Variants in FRA10AC1 observed in about 807,000 individuals in gnomAD.
The protein encoded by FRA10AC1 is FRA10A associated CGG repeat 1.
In FRA10AC1, 43 loss-of-function variants were observed where a neutral mutation model predicts 56.5. The observed-to-expected ratio is 0.76, with a 90% CI of 0.60 to 0.98. The LOEUF (loss-of-function observed/expected upper bound fraction) is 0.98. Among genes scored for constraint, FRA10AC1 ranks in the 50% least tolerant of loss-of-function variants. FRA10AC1 has a pLI of 0.00. For missense variants in FRA10AC1, 346 were observed against 351.8 expected (o/e 0.98, Z 0.13); for synonymous variants, 112 against 110.5 (o/e 1.01, Z -0.09).
chr10:93,671,312 C>G (rs1322479112), intron 12 of FRA10AC1: 2 of 152,850 alleles, frequency 1.3e-5, no homozygotes, highest in African/African-American at 4.8e-5. Flanking sequence ...AAAAAATTGT[C>G]AGACATTTTA....
intron 7 of FRA10AC1, among the ~76,000 whole-genome samples, chr10:93,688,254 T>G (rs1564817602): frequency 6.6e-6 from 1 of 152,050 alleles, no homozygotes; most frequent in Non-Finnish European, 1.5e-5. Flanking sequence ...AAACCCAATC[T>G]GAAAAGACTA....
chr10:93,702,150 T>A (rs1039386071), intron 1 of FRA10AC1, among the ~76,000 whole-genome samples: 6 of 151,742 alleles, frequency 4.0e-5, no homozygotes, highest in African/African-American at 1.5e-4. Flanking sequence ...AACTCACTGG[T>A]TGAACTAAAA....
chr10:93,671,496 T>G (rs994380071), intron 12 of FRA10AC1: 5 of 153,218 alleles, frequency 3.3e-5, no homozygotes, highest in African/African-American at 1.2e-4. Context: ...TTTAGGAATT[T>G]GATTACTTAC....
At chr10:93,690,104 T>C (rs1394281223) in intron 7 of FRA10AC1, among the ~76,000 whole-genome samples, 2 of 152,190 alleles carry the variant, frequency 1.3e-5, no homozygotes, top group Non-Finnish European at 2.9e-5. Context: ...GAGCTGGTTT[T>C]AATTAACTGA....
chr10:93,675,382 T>C (rs2058825043), intron 12 of FRA10AC1: 1 of 152,154 alleles, frequency 6.6e-6, no homozygotes, highest in Non-Finnish European at 1.5e-5. Flanking sequence ...TTTAAAGTCA[T>C]AAAAAATTTT....
intron 4 of FRA10AC1, among the ~76,000 whole-genome samples, chr10:93,697,577 A>G (rs11187595): frequency 0.41 from 61,799 of 152,110 alleles, 14,693 homozygotes; most frequent in Non-Finnish European, 0.52. Context: ...GTCTTATTAA[A>G]AAACTGAGTT....
In FRA10AC1 at chr10:93,683,982, T is replaced by A. The variant is rs1205842922; in HGVS notation, c.668+74A>T. 14 of 989,158 alleles carry A rather than the reference T, an allele frequency of 1.4e-5. No homozygotes were observed. In the Admixed American group the frequency reaches 2.0e-4, roughly 14 times the overall value. The allele number at this position is 989,158 out of a possible 1,614,324, so 61.3% of individuals were successfully genotyped here. A position where few individuals can be genotyped will look rare whatever the true frequency, so the allele number is the denominator to read the frequency against. On this transcript the variant is annotated intron_variant, in intron 10 of 13. Coordinates refer to ENST00000359204, the MANE Select transcript of FRA10AC1 (RefSeq NM_145246.5). ...ACCATCAACCACCTAAGTCTACATT[T>A]AGATACTTAGTGCAGGTAAATGACT...
intron 2 of FRA10AC1, among the ~76,000 whole-genome samples, chr10:93,698,690 A>G (rs1443820577): frequency 1.3e-5 from 2 of 152,306 alleles, no homozygotes; most frequent in Admixed American, 6.5e-5. Context: ...CTTAATCTTA[A>G]TAAGATTCAA....
At chr10:93,675,303 A>G (rs182427168) in intron 12 of FRA10AC1, 2 of 152,336 alleles carry the variant, frequency 1.3e-5, no homozygotes, top group East Asian at 1.9e-4. Context: ...AATAATGTTT[A>G]TATTTGAGTT....
chr10:93,699,970 A>T, intron 2 of FRA10AC1, 60 bp downstream of exon 2: 1 of 901,870 alleles, frequency 1.1e-6, no homozygotes, highest in South Asian at 1.5e-5. Flanking sequence ...TTGTTTATTT[A>T]TACTTCATAT....
In FRA10AC1 at chr10:93,684,090, G is replaced by T; in HGVS notation, c.634C>A (p.Gln212Lys). ...RNALVKLRLC[Q>K]ECSIKLNFHH... Reference sequence around the variant, plus strand: ...AAATTTAATTTAATGGAACATTCTTGGCATAACCCTAAAAAGAAAAGACAC... The same window carrying T: ...AAATTTAATTTAATGGAACATTCTTTGCATAACCCTAAAAAGAAAAGACAC... Residue 212 changes from glutamine to lysine, a missense_variant, in exon 10 of 14, where the codon CAA becomes AAA. By Grantham distance (53) the Gln-to-Lys change is moderately conservative. Coordinates refer to ENST00000359204, the MANE Select transcript of FRA10AC1 (RefSeq NM_145246.5). 1 of 1,605,702 alleles carries T rather than the reference G, an allele frequency of 6.2e-7. No individual in the cohort carries two copies. The highest frequency in any genetic ancestry group is 1.1e-5 in the South Asian group (1 of 90,562).
chr10:93,700,131 A>G, intron 1 of FRA10AC1, 25 bp from the exon 2 acceptor site: 1 of 1,344,858 alleles, frequency 7.4e-7, no homozygotes, highest in Non-Finnish European at 1.0e-6. Context: ...AAAGTCAGCT[A>G]TTTAGAATCT....
At position 93,668,456 on chromosome 10, in the gene FRA10AC1, G is replaced by A. The variant is rs749886576; in HGVS notation, c.*1370C>T. Reference sequence around the variant, plus strand: ...TCTAAAAAGGCTTGGATCTCCTGAAGCACCTCCATAGACCCTTGCGACTAG... The same window carrying A: ...TCTAAAAAGGCTTGGATCTCCTGAAACACCTCCATAGACCCTTGCGACTAG... On this transcript the variant is annotated 3_prime_UTR_variant, in exon 14 of 14. Coordinates refer to ENST00000359204, the MANE Select transcript of FRA10AC1 (RefSeq NM_145246.5). The A allele has an allele frequency of 3.9e-5, 6 of 152,116 alleles. No homozygotes were observed. The highest frequency in any genetic ancestry group is 7.3e-5 in the Non-Finnish European group (5 of 68,036). The allele number at this position is 152,116 out of a possible 1,614,324, so 9.4% of individuals were successfully genotyped here. A position where few individuals can be genotyped will look rare whatever the true frequency, so the allele number is the denominator to read the frequency against.
At position 93,685,321 on chromosome 10, in the gene FRA10AC1, C is replaced by CT; in HGVS notation, c.549dup (p.Glu184ArgfsTer9). The stretch of plus-strand genomic sequence containing the variant: ...TTAACTTCCCAACTCTTTAAGCCTT[C>CT]TTTTTTATCACAATATTTATTTCCA... On this transcript the variant is annotated frameshift_variant, in exon 9 of 14. Transcript: ENST00000359204. LOFTEE classifies it high-confidence loss of function. 1 of 1,573,832 alleles carries CT rather than the reference C, an allele frequency of 6.4e-7. No homozygotes were observed. The highest frequency in any genetic ancestry group is 8.7e-7 in the Non-Finnish European group (1 of 1,146,506).
chr10:93,692,208 T>C (rs2133929667), intron 6 of FRA10AC1, 115 bp from the exon 7 acceptor site: 2 of 703,900 alleles, frequency 2.8e-6, no homozygotes, highest in Middle Eastern at 4.3e-4. Context: ...AAGAGAACTA[T>C]TACTTACATG....
Position 93,692,698 on chromosome 10 carries a change from G to C in FRA10AC1, c.328C>G (p.Arg110Gly). The change falls in exon 6 of 14, where the codon CGA becomes GGA. Residue 110 changes from arginine (R) to glycine (G), a missense_variant. Coordinates refer to ENST00000359204, the MANE Select transcript of FRA10AC1 (RefSeq NM_145246.5). Reference sequence around the variant, plus strand: ...TTCCATAGGAATCTATGATTTTCTCGTATAACATCCAAGTCTGTCTTGTCA... The same window carrying C: ...TTCCATAGGAATCTATGATTTTCTCCTATAACATCCAAGTCTGTCTTGTCA... The part of the protein sequence containing the change: ...ENDKTDLDVI[R>G]ENHRFLWNEE... 6.3e-7 allele frequency: 1 copy of C among 1,592,100 alleles called. No individual in the cohort carries two copies. Among genetic ancestry groups the C allele is most frequent in the Non-Finnish European group, 8.5e-7 (1 of 1,171,056 alleles).
rs1014467100 is a variant in FRA10AC1, at chr10:93,668,700, A to C, written c.*1126T>G. ...AAGAAAATGAGAAGGATGCAAAAGCAGAAGCCCCTGATAAAACCATCAGAT... is the reference window on the plus strand; with the variant it reads ...AAGAAAATGAGAAGGATGCAAAAGCCGAAGCCCCTGATAAAACCATCAGAT... On this transcript the variant is annotated 3_prime_UTR_variant, in exon 14 of 14. Transcript: ENST00000359204. 3 of 152,646 alleles carry C rather than the reference A, an allele frequency of 2.0e-5. No homozygotes were observed. The highest frequency in any genetic ancestry group is 7.2e-5 in the African/African-American group (3 of 41,474). 9.5% of individuals were successfully genotyped at this position (152,646 alleles called of 1,614,324 possible). A position where few individuals can be genotyped will look rare whatever the true frequency, so the allele number is the denominator to read the frequency against.
Position 93,668,010 on chromosome 10 carries a change from A to G in FRA10AC1, c.*1816T>C, listed in dbSNP as rs543489452. On this transcript the variant is annotated 3_prime_UTR_variant, in exon 14 of 14. Transcript: ENST00000359204. The stretch of plus-strand genomic sequence containing the variant: ...AAATGATTGCATAATTACTTCCTAG[A>G]TGGTTCCTTTACAGCCATGCCCAGC... 2.0e-5 allele frequency: 3 copies of G among 152,318 alleles called. No individual in the cohort carries two copies. Among genetic ancestry groups the G allele is most frequent in the East Asian group, 1.9e-4 (1 of 5,190 alleles). 9.4% of individuals were successfully genotyped at this position (152,318 alleles called of 1,614,324 possible).
chr10:93,701,663 T>C (rs938119043), intron 1 of FRA10AC1, among the ~76,000 whole-genome samples: 3 of 152,182 alleles, frequency 2.0e-5, no homozygotes, highest in African/African-American at 4.8e-5. Context: ...ACATCTGTTA[T>C]TGCCTTACAC....
Sources: allele counts gnomAD v4.1 joint callset (sites outside exome capture counted in the v4.1 genomes callset), GRCh38; gene constraint gnomAD v4.1.1; transcripts MANE v1.5; gene names NCBI Gene and HGNC (gene_info 2026-07-23, HGNC 2026-07-21).